Variants in MICU1 observed in about 807,000 individuals in gnomAD.
MICU1 encodes calcium uptake protein 1, mitochondrial.
A neutral mutation model predicts 56.8 loss-of-function variants in MICU1; 45 were observed. The ratio of observed to expected loss-of-function variants is 0.79; its 90% CI spans 0.62 to 1.02. The LOEUF (loss-of-function observed/expected upper bound fraction) is 1.02. MICU1 is among the 50% of genes least tolerant of loss of function. MICU1 has a pLI of 0.00. For synonymous variants in MICU1, 186 were observed against 195.1 expected, an observed-to-expected ratio of 0.95 and a Z score of 0.39; for missense variants, 504 against 587.1, an observed-to-expected ratio of 0.86 and a Z score of 1.46.
intron 6 of MICU1, among the ~76,000 whole-genome samples, chr10:72,491,960 G>A (rs1866671252): frequency 6.6e-6 from 1 of 151,840 alleles, no homozygotes; most frequent in African/African-American, 2.4e-5. Flanking sequence ...ACCATTAGAG[G>A]GCTTAATAAA....
At chr10:72,455,097 T>C (rs375469789) in intron 8 of MICU1, among the ~76,000 whole-genome samples, 218 of 151,962 alleles carry the variant, frequency 1.4e-3, no homozygotes, top group Admixed American at 2.8e-3. Context: ...ATGCCTGTAA[T>C]CCAGCAGTTT....
chr10:72,403,366 A>T (rs974495387), intron 10 of MICU1, among the ~76,000 whole-genome samples: 16 of 151,598 alleles, frequency 1.1e-4, no homozygotes, highest in South Asian at 4.2e-4. Flanking sequence ...AAAAAAAAAA[A>T]TTTTTTTTTA....
chr10:72,607,952 A>G (rs1008991142), intron 1 of MICU1, among the ~76,000 whole-genome samples: 1 of 152,208 alleles, frequency 6.6e-6, no homozygotes, highest in African/African-American at 2.4e-5. Flanking sequence ...AACAATCCAC[A>G]CATCTGGTGT....
intron 5 of MICU1, among the ~76,000 whole-genome samples, chr10:72,520,660 T>G (rs947906910): frequency 6.6e-6 from 1 of 152,172 alleles, no homozygotes; most frequent in African/African-American, 2.4e-5. Context: ...ATACCTGGAA[T>G]GCAAAGGTTT....
chr10:72,549,990 A>T (rs190072509), intron 4 of MICU1, among the ~76,000 whole-genome samples: 11 of 151,990 alleles, frequency 7.2e-5, no homozygotes, highest in Admixed American at 7.2e-4. Context: ...ATATACAGTC[A>T]TGTGCTGCTT....
At position 72,529,946 on chromosome 10, in the gene MICU1, C is replaced by CTTT. The variant is rs11338457; in HGVS notation, c.537+3797_537+3799dup. On this transcript the variant is annotated intron_variant, in intron 5 of 11. Transcript: ENST00000361114. ...AATACATGGATACTAGGGGAAGGTG[C>CTTT]TTTTTTTTTTTTTTTTTTTTTTTCT... Among the ~76,000 whole-genome samples, 97 of 100,804 alleles carry CTTT rather than the reference C, an allele frequency of 9.6e-4. 2 individuals are homozygous for CTTT. The highest frequency in any genetic ancestry group is 2.3e-3 in the African/African-American group (61 of 26,712). The allele number at this position is 100,804 out of a possible 152,430, so 66.1% of individuals were successfully genotyped here.
At chr10:72,470,352 C>T (rs191969353) in intron 8 of MICU1, among the ~76,000 whole-genome samples, 47 of 152,294 alleles carry the variant, frequency 3.1e-4, no homozygotes, top group Middle Eastern at 6.8e-3. Context: ...TTCTACTGGA[C>T]GTCTTCGTCC....
intron 1 of MICU1, among the ~76,000 whole-genome samples, chr10:72,576,437 G>T (rs1187454083): frequency 6.6e-6 from 1 of 152,154 alleles, no homozygotes; most frequent in South Asian, 2.1e-4. Flanking sequence ...TAGTGGTCTA[G>T]ACAGAAGATC....
At chr10:72,533,349 T>C (rs1288213862) in intron 5 of MICU1, among the ~76,000 whole-genome samples, 2 of 152,172 alleles carry the variant, frequency 1.3e-5, no homozygotes, top group Non-Finnish European at 2.9e-5. Context: ...ACAAGGACCT[T>C]TGTAATTTTC....
At chr10:72,592,208 CAT>C (rs1355697024) in intron 1 of MICU1, among the ~76,000 whole-genome samples, 3 of 151,796 alleles carry the variant, frequency 2.0e-5, no homozygotes, top group Non-Finnish European at 4.4e-5. Flanking sequence ...CGGGGTTTCA[CAT>C]GTTGGTCAGG....
chr10:72,569,231 A>ATTTTTT (rs1156509426), intron 1 of MICU1, among the ~76,000 whole-genome samples: 698 of 39,380 alleles, frequency 0.018, 20 homozygotes, highest in Non-Finnish European at 0.029. Flanking sequence ...ATATATATAT[A>ATTTTTT]TATATATTTT....
chr10:72,551,355 TTTAGAAAGTG>T lies in MICU1; in HGVS notation c.331-24_331-15del. 6.3e-7 allele frequency: 1 copy of T among 1,591,492 alleles called. No individual in the cohort carries two copies. The highest frequency in any genetic ancestry group is 8.6e-7 in the Non-Finnish European group (1 of 1,168,864). On this transcript the variant is annotated splice_polypyrimidine_tract_variant and intron_variant, in intron 3 of 11. Transcript: ENST00000361114. ...ATATTCCATCACCTAAAGTTAGAAA[TTTAGAAAGTG>T]TTACTATATTAAGCAATGCTCATAT...
chr10:72,586,154 C>T (rs1007750518), intron 1 of MICU1, among the ~76,000 whole-genome samples: 3 of 151,188 alleles, frequency 2.0e-5, no homozygotes, highest in Admixed American at 1.3e-4. Context: ...GCTTGGACTA[C>T]AGGTGCACAC....
At chr10:72,415,097 C>T (rs1324140712) in intron 9 of MICU1, among the ~76,000 whole-genome samples, 1 of 150,130 alleles carries the variant, frequency 6.7e-6, no homozygotes, top group African/African-American at 2.5e-5. Context: ...CTCACTGCAA[C>T]CTTCGCCTTC....
At chr10:72,514,477 T>C (rs943850750) in intron 5 of MICU1, among the ~76,000 whole-genome samples, 2 of 152,198 alleles carry the variant, frequency 1.3e-5, no homozygotes, top group African/African-American at 2.4e-5. Flanking sequence ...TCAGGGTTTG[T>C]TGTTGCTACT....
chr10:72,387,725 A>T (rs1862938116), intron 10 of MICU1, among the ~76,000 whole-genome samples: 1 of 147,700 alleles, frequency 6.8e-6, no homozygotes, highest in Admixed American at 6.9e-5. Context: ...ACTAAAAAAA[A>T]GCAGTAGATT....
intron 5 of MICU1, among the ~76,000 whole-genome samples, chr10:72,508,973 T>C (rs563399921): frequency 5.3e-5 from 8 of 152,342 alleles, no homozygotes; most frequent in Admixed American, 1.3e-4. Flanking sequence ...TATATTTCTC[T>C]TCTTTAATCT....
chr10:72,494,161 C>G (rs899595674), intron 6 of MICU1, among the ~76,000 whole-genome samples: 1 of 152,116 alleles, frequency 6.6e-6, no homozygotes, highest in Non-Finnish European at 1.5e-5. Flanking sequence ...AACTCTAGGA[C>G]AATTTAACCT....
intron 6 of MICU1, among the ~76,000 whole-genome samples, chr10:72,487,930 C>T (rs1340724325): frequency 6.6e-6 from 1 of 152,114 alleles, no homozygotes; most frequent in Non-Finnish European, 1.5e-5. Context: ...GATGTGGTGG[C>T]TCACACCTGT....
Sources: allele counts gnomAD v4.1 joint callset (sites outside exome capture counted in the v4.1 genomes callset), GRCh38; gene constraint gnomAD v4.1.1; transcripts MANE v1.5; gene names NCBI Gene and HGNC (gene_info 2026-07-23, HGNC 2026-07-21).